DPH6: variants seen among roughly 807,000 people sequenced by gnomAD.
DPH6 encodes the protein diphthine--ammonia ligase.
Under a neutral mutation model 38.2 loss-of-function variants are expected in DPH6, and 33 were observed. The observed-to-expected ratio is 0.86, with a 90% CI of 0.65 to 1.15. The LOEUF is 1.15. DPH6 is among the 50% of genes most tolerant of loss of function. The pLI is 0.00. For missense variants in DPH6, 325 were observed against 320.0 expected, an observed-to-expected ratio of 1.02 and a Z score of -0.12; for synonymous variants, 108 against 103.0, an observed-to-expected ratio of 1.05 and a Z score of -0.30.
intron 3 of DPH6, among the ~76,000 whole-genome samples, chr15:35,251,576 T>C (rs2051674409): frequency 6.6e-6 from 1 of 152,236 alleles, no homozygotes; most frequent in African/African-American, 2.4e-5. Flanking sequence ...CACACCTGTG[T>C]ACCACATCCC....
In DPH6 at chr15:35,538,448, A is replaced by T. The variant is rs1375428907; in HGVS notation, c.138T>A (p.Asp46Glu). 3 of 1,554,114 alleles carry T rather than the reference A, an allele frequency of 1.9e-6. No homozygotes were observed. Among genetic ancestry groups the T allele is most frequent in the Non-Finnish European group, 2.6e-6 (3 of 1,136,628 alleles). ...GCCCCACTGTCTGATACATGTAGCT[A>T]TCCAGTTCATCAGACCCCACTGCAA... is the stretch of plus-strand genomic sequence containing the variant. ...AENQVGSDEL[D>E]SYMYQTVGHH... The change falls in exon 3 of 9, where the codon GAT becomes GAA. Residue 46 changes from aspartate to glutamate, a missense_variant. Coordinates refer to ENST00000256538, the MANE Select transcript of DPH6 (RefSeq NM_080650.4).
At chr15:35,253,442 T>A (rs1217864121) in intron 3 of DPH6, among the ~76,000 whole-genome samples, 1 of 152,162 alleles carries the variant, frequency 6.6e-6, no homozygotes, top group Non-Finnish European at 1.5e-5. Flanking sequence ...CAAAGCACCA[T>A]TCGGGAATAA....
At chr15:35,202,344 C>T in the DPH6 span, among the ~76,000 whole-genome samples, 1 of 151,688 alleles carries the variant, frequency 6.6e-6, no homozygotes, top group Admixed American at 6.6e-5. Flanking sequence ...TTTCATGTTA[C>T]CACAGAGAGT....
downstream of DPH6, among the ~76,000 whole-genome samples, chr15:35,214,008 A>C (rs538370431): frequency 6.6e-6 from 1 of 151,700 alleles, no homozygotes; most frequent in Non-Finnish European, 1.5e-5. Flanking sequence ...GCTACTCGCG[A>C]GGCTGAGGCA....
At chr15:35,288,495 C>T (rs1027776983) in intron 3 of DPH6, among the ~76,000 whole-genome samples, 4 of 151,982 alleles carry the variant, frequency 2.6e-5, no homozygotes, top group Admixed American at 2.0e-4. Context: ...TTTTGAGGTA[C>T]GTTTACAATG....
At chr15:35,274,232 T>C (rs1386293511) in intron 3 of DPH6, among the ~76,000 whole-genome samples, 5 of 152,156 alleles carry the variant, frequency 3.3e-5, no homozygotes, top group Non-Finnish European at 5.9e-5. Flanking sequence ...CCCTTCCTTA[T>C]ACCTTATACA....
chr15:35,299,423 C>T (rs2052038773), intron 3 of DPH6: 3 of 786,236 alleles, frequency 3.8e-6, no homozygotes, highest in Non-Finnish European at 7.1e-6. Flanking sequence ...CTGGTTTCCT[C>T]TGATCGTACA....
rs370332832 is a variant in DPH6, at chr15:35,354,164, C to G, written n.207+19357G>C. ...AGACTTTGCTGAAGTTGCCTATCAG[C>G]TTAAGGAGATTTTGGGCTGACACGA... On this transcript the variant is annotated intron_variant and non_coding_transcript_variant, in intron 3 of 3. Transcript: ENST00000558973. Among the ~76,000 whole-genome samples the G allele has an allele frequency of 3.3e-5, 5 of 152,182 alleles. No individual in the cohort carries two copies. In the East Asian group the frequency reaches 9.6e-4, roughly 29 times the overall value.
chr15:35,226,853 G>A (rs148852195), intron 3 of DPH6, among the ~76,000 whole-genome samples: 237 of 152,322 alleles, frequency 1.6e-3, no homozygotes, highest in African/African-American at 5.5e-3. Flanking sequence ...GAGTTTGGAA[G>A]TATTCCCTCC....
chr15:35,509,761 A>AT (rs1444420928), intron 3 of DPH6, among the ~76,000 whole-genome samples: 1 of 152,200 alleles, frequency 6.6e-6, no homozygotes, highest in Non-Finnish European at 1.5e-5. Flanking sequence ...AATACAATTA[A>AT]TTTTCAAGCA....
At chr15:35,172,210 T>C in the DPH6 span, among the ~76,000 whole-genome samples, 1 of 152,170 alleles carries the variant, frequency 6.6e-6, no homozygotes, top group Middle Eastern at 3.2e-3. Context: ...TGAAACGGTT[T>C]GTGTACATTG....
intron 3 of DPH6, among the ~76,000 whole-genome samples, chr15:35,307,566 A>G (rs1258236205): frequency 6.6e-6 from 1 of 152,160 alleles, no homozygotes; most frequent in African/African-American, 2.4e-5. Flanking sequence ...TGAAATACAG[A>G]TGAAGGATTA....
At chr15:35,372,378 A>T (rs1013877422) in intron 8 of DPH6, 175 bp from the exon 9 acceptor site, 3 of 458,044 alleles carry the variant, frequency 6.5e-6, no homozygotes, top group Middle Eastern at 3.0e-4. Context: ...ATCAAATACC[A>T]AAACAACGAG....
intron 3 of DPH6, among the ~76,000 whole-genome samples, chr15:35,297,307 T>G (rs909938144): frequency 5.3e-5 from 8 of 151,836 alleles, no homozygotes; most frequent in African/African-American, 1.9e-4. Context: ...AAGTGAAATC[T>G]ATATCCACTC....
At chr15:35,496,567 A>AAAAAAAAAAAAAAAAAAATATATATATAT in intron 3 of DPH6, among the ~76,000 whole-genome samples, 9 of 31,004 alleles carry the variant, frequency 2.9e-4, no homozygotes, top group African/African-American at 4.1e-4. Context: ...AAAAAAAAAA[A>AAAAAAAAAAAAAAAAAAATATATATATAT]ATATATATAT....
At chr15:35,516,356 T>C (rs935204027) in intron 3 of DPH6, among the ~76,000 whole-genome samples, 14 of 152,208 alleles carry the variant, frequency 9.2e-5, no homozygotes, top group Admixed American at 8.5e-4. Context: ...AGTAAGTATG[T>C]AATAGTTAAT....
At chr15:35,161,146 T>A in the DPH6 span, among the ~76,000 whole-genome samples, 84 of 151,788 alleles carry the variant, frequency 5.5e-4, 1 homozygote, top group African/African-American at 2.0e-3. Context: ...ATAATAATAA[T>A]AAAAAAAACA....
chr15:35,516,714 C>T (rs1257862042), intron 3 of DPH6, among the ~76,000 whole-genome samples: 1 of 152,050 alleles, frequency 6.6e-6, no homozygotes, highest in Non-Finnish European at 1.5e-5. Context: ...TTTTGGTCTC[C>T]AGGCAATCAT....
At chr15:35,161,534 A>G in the DPH6 span, among the ~76,000 whole-genome samples, 1 of 151,908 alleles carries the variant, frequency 6.6e-6, no homozygotes, top group Non-Finnish European at 1.5e-5. Context: ...GTCTCCCCCA[A>G]GTTCATATGT....
Sources: gnomAD v4.1 joint callset for allele counts (sites outside exome capture counted in the v4.1 genomes callset) on GRCh38, gnomAD v4.1.1 for gene constraint, MANE v1.5 for transcripts, NCBI Gene and HGNC (gene_info 2026-07-23, HGNC 2026-07-21) for gene names.